GALNT10: variants seen among roughly 807,000 people sequenced by gnomAD.
GALNT10 encodes polypeptide N-acetylgalactosaminyltransferase 10.
In GALNT10, 41 loss-of-function variants were observed where a neutral mutation model predicts 75.0. That is an observed-to-expected ratio of 0.55 (90% CI 0.43 to 0.71). The LOEUF is 0.71. Ranked by LOEUF, GALNT10 falls within the 30% of genes least tolerant of loss-of-function variation. The pLI is 0.00. For missense variants in GALNT10, 727 were observed against 818.5 expected, an observed-to-expected ratio of 0.89 and a Z score of 1.36; for synonymous variants, 302 against 313.0, an observed-to-expected ratio of 0.96 and a Z score of 0.37.
intron 1 of GALNT10, among the ~76,000 whole-genome samples, chr5:154,245,939 C>T (rs988021606): frequency 8.6e-4 from 131 of 151,776 alleles, no homozygotes; most frequent in African/African-American, 3.0e-3. Context: ...GGTATATCTC[C>T]TAATGCTATC....
At chr5:154,207,968 T>C (rs548826021) in intron 1 of GALNT10, among the ~76,000 whole-genome samples, 1 of 152,208 alleles carries the variant, frequency 6.6e-6, no homozygotes, top group African/African-American at 2.4e-5. Flanking sequence ...GGAGGCCATG[T>C]TGTCAACCAC....
chr5:154,279,299 G>GTTTT (rs1398081050), intron 1 of GALNT10, among the ~76,000 whole-genome samples: 4 of 90,926 alleles, frequency 4.4e-5, no homozygotes, highest in African/African-American at 1.6e-4. Flanking sequence ...TGTTGTTGTT[G>GTTTT]TTTTGTTTTT....
intron 3 of GALNT10, among the ~76,000 whole-genome samples, chr5:154,317,773 T>C (rs953826401): frequency 6.6e-5 from 10 of 152,068 alleles, no homozygotes; most frequent in African/African-American, 2.2e-4. Context: ...GTAAAGAAAA[T>C]GTATTGGTTT....
intron 1 of GALNT10, among the ~76,000 whole-genome samples, chr5:154,215,060 T>C (rs1433687674): frequency 6.6e-6 from 1 of 152,254 alleles, no homozygotes; most frequent in Non-Finnish European, 1.5e-5. Flanking sequence ...CTTGTGTGAT[T>C]CTTAAAAATT....
chr5:154,397,891 G>T (rs765657289), intron 7 of GALNT10, among the ~76,000 whole-genome samples: 1 of 152,046 alleles, frequency 6.6e-6, no homozygotes, highest in Admixed American at 6.6e-5. Context: ...CTTCCACTGC[G>T]CCCTTCTTTC....
intron 1 of GALNT10, among the ~76,000 whole-genome samples, chr5:154,283,528 C>T (rs1754072611): frequency 6.6e-6 from 1 of 152,054 alleles, no homozygotes; most frequent in African/African-American, 2.4e-5. Flanking sequence ...AGGTAAGGGG[C>T]TGGGTGCTGC....
intron 3 of GALNT10, among the ~76,000 whole-genome samples, chr5:154,327,710 G>T (rs1463520753): frequency 6.6e-6 from 1 of 152,232 alleles, no homozygotes; most frequent in Non-Finnish European, 1.5e-5. Context: ...ACGAATAGTT[G>T]ATGTGGTAAA....
At chr5:154,345,967 T>C (rs1755116984) in intron 4 of GALNT10, among the ~76,000 whole-genome samples, 1 of 144,744 alleles carries the variant, frequency 6.9e-6, no homozygotes, top group Non-Finnish European at 1.5e-5. Flanking sequence ...TTTTTTTTTT[T>C]TTTGTATTTT....
chr5:154,277,189 G>T (rs1252246410), intron 1 of GALNT10, among the ~76,000 whole-genome samples: 1 of 151,894 alleles, frequency 6.6e-6, no homozygotes, highest in Admixed American at 6.6e-5. Flanking sequence ...CTTGGCTGGG[G>T]TCTCTCATAT....
chr5:154,244,106 G>A (rs924112496), intron 1 of GALNT10, among the ~76,000 whole-genome samples: 4 of 152,196 alleles, frequency 2.6e-5, no homozygotes, highest in East Asian at 1.9e-4. Flanking sequence ...GCCATGTTCC[G>A]CAACCTGCAA....
intron 1 of GALNT10, among the ~76,000 whole-genome samples, chr5:154,240,313 T>G (rs1299183311): frequency 6.6e-6 from 1 of 152,182 alleles, no homozygotes; most frequent in East Asian, 1.9e-4. Flanking sequence ...TAATAAAACC[T>G]ATGTCCCAGG....
chr5:154,407,038 C>T (rs760348529), intron 8 of GALNT10, among the ~76,000 whole-genome samples: 3 of 152,162 alleles, frequency 2.0e-5, no homozygotes, highest in Non-Finnish European at 4.4e-5. Flanking sequence ...AACAAGTAGC[C>T]AGTCTTACAT....
intron 1 of GALNT10, among the ~76,000 whole-genome samples, chr5:154,204,437 G>C (rs970678703): frequency 6.6e-6 from 1 of 152,124 alleles, no homozygotes; most frequent in Non-Finnish European, 1.5e-5. Context: ...CATTTGCAAG[G>C]GTAAATCAGA....
In GALNT10 at chr5:154,380,651, G is replaced by T. The variant is rs1272590839; in HGVS notation, c.938+20G>T. On this transcript the variant is annotated intron_variant, in intron 6 of 11. Coordinates refer to ENST00000297107, the MANE Select transcript of GALNT10 (RefSeq NM_198321.4). ...ATTTGAGTAAGTATGAACAACCCTG[G>T]CTGGTCCCAGTGGCTACCCAGTGAC... The T allele has an allele frequency of 6.3e-7, 1 of 1,578,308 alleles. No individual in the cohort carries two copies. The highest frequency in any genetic ancestry group is 8.7e-7 in the Non-Finnish European group (1 of 1,153,234).
chr5:154,374,311 T>C (rs1755623664), intron 4 of GALNT10, among the ~76,000 whole-genome samples: 1 of 152,210 alleles, frequency 6.6e-6, no homozygotes, highest in Non-Finnish European at 1.5e-5. Flanking sequence ...TTCTAGCCTC[T>C]GGTTGTATGT....
chr5:154,295,621 G>A (rs1754261400), intron 2 of GALNT10, among the ~76,000 whole-genome samples: 1 of 152,182 alleles, frequency 6.6e-6, no homozygotes, highest in African/African-American at 2.4e-5. Flanking sequence ...TTGGGGTAAG[G>A]TGGTACAGAA....
chr5:154,224,189 C>T (rs1753026920), intron 1 of GALNT10, among the ~76,000 whole-genome samples: 1 of 152,142 alleles, frequency 6.6e-6, no homozygotes, highest in African/African-American at 2.4e-5. Flanking sequence ...GTTGTGTGTC[C>T]TAGAAGGACA....
intron 8 of GALNT10, 33 bp downstream of exon 8, chr5:154,404,244 G>T: frequency 7.1e-7 from 1 of 1,412,774 alleles, no homozygotes; most frequent in Non-Finnish European, 9.8e-7. Flanking sequence ...CGGGTAGAAG[G>T]GGTTGGCCTA....
In GALNT10 at chr5:154,329,748, G is replaced by A. The variant is rs748237406; in HGVS notation, c.568+10G>A. On this transcript the variant is annotated intron_variant, in intron 4 of 11. Transcript: ENST00000297107. The stretch of plus-strand genomic sequence containing the variant: ...GACTTCAGTGATCGAGGTAGGATCC[G>A]TCCCACCCAGCCTCCCACCCTCTGT... 2.4e-5 allele frequency: 38 copies of A among 1,602,840 alleles called. No individual in the cohort carries two copies. The highest frequency in any genetic ancestry group is 2.1e-4 in the South Asian group (19 of 90,714).
Sources: allele counts gnomAD v4.1 joint callset (sites outside exome capture counted in the v4.1 genomes callset), GRCh38; gene constraint gnomAD v4.1.1; transcripts MANE v1.5; gene names NCBI Gene and HGNC (gene_info 2026-07-23, HGNC 2026-07-21).